Variants in CDH23 observed in about 807,000 individuals in gnomAD.
CDH23 encodes the protein cadherin related 23.
Under a neutral mutation model 317.1 loss-of-function variants are expected in CDH23, and 189 were observed. That is an observed-to-expected ratio of 0.60 (90% CI 0.53 to 0.67). The LOEUF is 0.67. CDH23 is among the 30% of genes least tolerant of loss of function. The pLI, the probability that CDH23 is intolerant of heterozygous loss-of-function variation, is 0.00. For missense variants in CDH23, 4,401 were observed against 4,592.4 expected, an observed-to-expected ratio of 0.96 and a Z score of 1.20; for synonymous variants, 1,839 against 1,876.8, an observed-to-expected ratio of 0.98 and a Z score of 0.52.
At chr10:71,449,925 T>G (rs1382916177) in intron 3 of CDH23, among the ~76,000 whole-genome samples, 1 of 152,262 alleles carries the variant, frequency 6.6e-6, no homozygotes, top group Non-Finnish European at 1.5e-5. Flanking sequence ...TGTAATGTTC[T>G]TTTTGAAGAC....
intron 38 of CDH23, among the ~76,000 whole-genome samples, chr10:71,761,150 T>C (rs1401275942): frequency 6.6e-6 from 1 of 152,110 alleles, no homozygotes; most frequent in Non-Finnish European, 1.5e-5. Context: ...TACCCGCTGG[T>C]GCCCACACCT....
chr10:71,813,380 T>C, intron 69 of CDH23, 32 bp downstream of exon 69: 1 of 1,512,244 alleles, frequency 6.6e-7, no homozygotes, highest in Non-Finnish European at 9.0e-7. Context: ...AGCTGTGTGC[T>C]GTGCCCCAGC....
At chr10:71,744,399 C>T (rs929336400) in intron 38 of CDH23, among the ~76,000 whole-genome samples, 1 of 152,170 alleles carries the variant, frequency 6.6e-6, no homozygotes, top group African/African-American at 2.4e-5. Flanking sequence ...AATCAGGCTT[C>T]CTTTGGGTCC....
intron 26 of CDH23, among the ~76,000 whole-genome samples, chr10:71,707,905 C>T (rs996278765): frequency 6.6e-6 from 1 of 152,180 alleles, no homozygotes; most frequent in Non-Finnish European, 1.5e-5. Flanking sequence ...GCTCACAGCC[C>T]ATCTGTGGCT....
chr10:71,607,280 A>G (rs1281980958), intron 9 of CDH23, among the ~76,000 whole-genome samples: 1 of 152,240 alleles, frequency 6.6e-6, no homozygotes, highest in African/African-American at 2.4e-5. Context: ...GAAGACAGGA[A>G]GGGCCAGGGG....
At chr10:71,744,797 G>A (rs1839815639) in intron 38 of CDH23, among the ~76,000 whole-genome samples, 1 of 152,204 alleles carries the variant, frequency 6.6e-6, no homozygotes, top group Non-Finnish European at 1.5e-5. Flanking sequence ...TCCATCTCCA[G>A]GGGAATATAT....
intron 3 of CDH23, among the ~76,000 whole-genome samples, chr10:71,505,516 T>C (rs547425989): frequency 6.6e-6 from 1 of 152,338 alleles, no homozygotes; most frequent in South Asian, 2.1e-4. Flanking sequence ...TTCCCGGCAC[T>C]TCCCGGCTGT....
chr10:71,657,567 C>T (rs933929879), intron 14 of CDH23, among the ~76,000 whole-genome samples: 7 of 152,156 alleles, frequency 4.6e-5, no homozygotes, highest in African/African-American at 1.4e-4. Flanking sequence ...GAGGTAGGCC[C>T]GGTCCACAGG....
chr10:71,536,144 A>G (rs1031496513), intron 6 of CDH23, among the ~76,000 whole-genome samples: 1 of 152,258 alleles, frequency 6.6e-6, no homozygotes, highest in Non-Finnish European at 1.5e-5. Context: ...AGAAGTGAGC[A>G]TGGTGTCATG....
rs964066908 is a variant in CDH23, at chr10:71,702,787, G to A, written c.2733+93G>A. The A allele has an allele frequency of 2.8e-5, 41 of 1,447,114 alleles. 1 individual carries two copies. The Admixed American group carries it at 5.5e-4, about 19-fold the overall frequency. The allele number at this position is 1,447,114 out of a possible 1,614,324, so 89.6% of individuals were successfully genotyped here. A position where few individuals can be genotyped will look rare whatever the true frequency, so the allele number is the denominator to read the frequency against. ...AGGCTGAAAACTTTGCAGGGCTGGG[G>A]CAGGGGAGGAGCTGGGTCTTGAAGG... On this transcript the variant is annotated intron_variant, in intron 24 of 69. Coordinates refer to ENST00000224721, the MANE Select transcript of CDH23 (RefSeq NM_022124.6).
chr10:71,779,690 A>T (rs1423301779), intron 41 of CDH23, among the ~76,000 whole-genome samples: 1 of 152,060 alleles, frequency 6.6e-6, no homozygotes, highest in Non-Finnish European at 1.5e-5. Flanking sequence ...AGGGACACAG[A>T]CTCCTTTAAG....
At chr10:71,629,915 C>T (rs1861922139) in intron 11 of CDH23, among the ~76,000 whole-genome samples, 1 of 152,200 alleles carries the variant, frequency 6.6e-6, no homozygotes, top group African/African-American at 2.4e-5. Context: ...AGTGGTTGTA[C>T]AACCCAGTGA....
intron 11 of CDH23, among the ~76,000 whole-genome samples, chr10:71,629,890 CTAGA>C (rs1390974229): frequency 6.6e-6 from 1 of 152,008 alleles, no homozygotes; most frequent in African/African-American, 2.4e-5. Context: ...TGTTTTGGAG[CTAGA>C]TAGAGGGAGT....
intron 3 of CDH23, among the ~76,000 whole-genome samples, chr10:71,473,729 G>A (rs376082358): frequency 6.6e-6 from 1 of 152,342 alleles, no homozygotes; most frequent in South Asian, 2.1e-4. Context: ...CAATATTATG[G>A]ATGATGATTG....
chr10:71,665,853 C>T (rs1487770910), intron 14 of CDH23, among the ~76,000 whole-genome samples: 3 of 152,192 alleles, frequency 2.0e-5, no homozygotes, highest in African/African-American at 7.2e-5. Context: ...GCACTGCACC[C>T]CCCAGGGAGA....
intron 16 of CDH23, 29 bp downstream of exon 16, chr10:71,677,722 G>A (rs2132670278): frequency 3.3e-6 from 5 of 1,506,918 alleles, no homozygotes; most frequent in Non-Finnish European, 4.5e-6. Context: ...CTGCACTCCT[G>A]CCATTTATCT....
At chr10:71,642,382 TGGCCC>T (rs1391698878) in intron 11 of CDH23, among the ~76,000 whole-genome samples, 54 of 144,240 alleles carry the variant, frequency 3.7e-4, no homozygotes, top group African/African-American at 1.3e-3. Flanking sequence ...GCCCAGAAGC[TGGCCC>T]GGCCTCTTTT....
rs753061965 is a variant in CDH23 at position 71,779,368 on chromosome 10, G to C, written c.5289G>C (p.Val1763=). 6.2e-7 allele frequency: 1 copy of C among 1,613,954 alleles called. No individual in the cohort carries two copies. Among genetic ancestry groups the C allele is most frequent in the Non-Finnish European group, 8.5e-7 (1 of 1,179,876 alleles). ...CTGAGGGCCAGCCGGGGCCCAGAGT[G>C]TGGACCTTCCTGGCCCATGACCGAG... is the stretch of plus-strand genomic sequence containing the variant. ...EVTEGQPGPR[V]WTFLAHDRDS... is the part of the protein sequence containing the mutation. Residue 1763 remains valine, a synonymous_variant, in exon 41 of 70, where the codon GTG becomes GTC. Transcript: ENST00000224721.
chr10:71,571,978 C>T (rs1032599676), intron 8 of CDH23, among the ~76,000 whole-genome samples: 3 of 152,230 alleles, frequency 2.0e-5, no homozygotes, highest in Non-Finnish European at 4.4e-5. Context: ...CATGGCTGCC[C>T]TGGCCACTGG....
Sources: allele counts gnomAD v4.1 joint callset (sites outside exome capture counted in the v4.1 genomes callset), GRCh38; gene constraint gnomAD v4.1.1; transcripts MANE v1.5; gene names NCBI Gene and HGNC (gene_info 2026-07-23, HGNC 2026-07-21).